Variants in CLK1 observed in about 807,000 individuals in gnomAD.
The protein encoded by CLK1 is CDC like kinase 1, also known as dual specificity protein kinase CLK1.
A neutral mutation model predicts 60.9 loss-of-function variants in CLK1; 40 were observed. That is an observed-to-expected ratio of 0.66 (90% CI 0.51 to 0.86). The LOEUF (loss-of-function observed/expected upper bound fraction) is 0.86, where lower values mean the gene tolerates loss of function less well. Ranked by LOEUF, CLK1 falls within the 40% of genes least tolerant of loss-of-function variation. The pLI is 0.00. For missense variants in CLK1, 563 were observed against 606.1 expected, an observed-to-expected ratio of 0.93 and a Z score of 0.75; for synonymous variants, 203 against 184.4, an observed-to-expected ratio of 1.10 and a Z score of -0.82.
chr2:200,854,273 C>A (rs1487628750), intron 11 of CLK1: 1 of 337,618 alleles, frequency 3.0e-6, no homozygotes. Flanking sequence ...CGGTGGCTCA[C>A]GCCTGTAATC....
chr2:200,858,682 C>A (rs557332472), intron 5 of CLK1, among the ~76,000 whole-genome samples: 8 of 150,156 alleles, frequency 5.3e-5, no homozygotes, highest in South Asian at 2.1e-4. Context: ...GGGCGACAGA[C>A]CAAGACTCCA....
chr2:200,855,729 C>T (rs1432243320), intron 9 of CLK1, among the ~76,000 whole-genome samples: 4 of 151,828 alleles, frequency 2.6e-5, no homozygotes, highest in African/African-American at 9.7e-5. Context: ...ATATATATGG[C>T]CGGGCGCAGT....
rs759967584 is a variant in CLK1, at chr2:200,858,048, T to G, written c.590A>C (p.Asp197Ala). The G allele has an allele frequency of 1.2e-6, 2 of 1,614,004 alleles. No homozygotes were observed. Among genetic ancestry groups the G allele is most frequent in the Non-Finnish European group, 8.5e-7 (1 of 1,179,896 alleles). ...TGAGCGAGCAGCTTCACAGTATCTA[T>G]CCACATTTTTAACTATTTTTACTGC... ...HVAVKIVKNVDRYCEAARSEI... is the reference protein window; with the variant it reads ...HVAVKIVKNVARYCEAARSEI... The change falls in exon 6 of 13, where the codon GAT becomes GCT. Residue 197 changes from aspartate to alanine, a missense_variant. By Grantham distance (126) the Asp-to-Ala change is moderately radical. This residue lies in a region of CLK1 where 360 missense variants were observed against 407.0 expected (regional missense o/e 0.88). Transcript: ENST00000321356.
chr2:200,861,923 C>T lies in CLK1; in HGVS notation c.1-61G>A, dbSNP rs1464413566. 6 of 1,489,082 alleles carry T rather than the reference C, an allele frequency of 4.0e-6. No individual in the cohort carries two copies. In the South Asian group the frequency reaches 5.9e-5, roughly 15 times the overall value. 92.2% of individuals were successfully genotyped at this position (1,489,082 alleles called of 1,614,324 possible). A position where few individuals can be genotyped will look rare whatever the true frequency, so the allele number is the denominator to read the frequency against. ...ACCCCACACTGAGCTGTTTAAAATT[C>T]GTAATTACAAAGGTCCCCTCGTGAC... On this transcript the variant is annotated intron_variant, in intron 1 of 12. Coordinates refer to ENST00000321356, the MANE Select transcript of CLK1 (RefSeq NM_004071.4).
At chr2:200,861,938 C>G in intron 1 of CLK1, 76 bp from the exon 2 acceptor site, 2 of 1,264,016 alleles carry the variant, frequency 1.6e-6, no homozygotes, top group Non-Finnish European at 2.2e-6. Flanking sequence ...TTACAAAGGT[C>G]CCCTCGTGAC....
chr2:200,857,076 GC>G, intron 7 of CLK1, 91 bp from the exon 8 acceptor site: 3 of 950,630 alleles, frequency 3.2e-6, no homozygotes, highest in Non-Finnish European at 3.3e-6. Context: ...AGTGGCTCAC[GC>G]CTGTAATCAC....
chr2:200,853,338 G>A lies in CLK1; in HGVS notation c.1423C>T (p.Pro475Ser). 1 of 1,611,984 alleles carries A rather than the reference G, an allele frequency of 6.2e-7. No individual in the cohort carries two copies. Among genetic ancestry groups the A allele is most frequent in the Non-Finnish European group, 8.5e-7 (1 of 1,179,112 alleles). The change falls in exon 13 of 13, where the codon CCT becomes TCT. Residue 475 changes from proline to serine, a missense_variant. By Grantham distance (74) the Pro-to-Ser change is moderately conservative (BLOSUM62 -1). Coordinates refer to ENST00000321356, the MANE Select transcript of CLK1 (RefSeq NM_004071.4). ...RITLREALKH[P>S]FFDLLKKSI ...CTTTTCTTCAGAAGGTCAAAGAAAG[G>A]ATGCTTTAAGGCTTCTCTGAGAGTA...
In CLK1 at chr2:200,853,309, T is replaced by C. The variant is rs990481682; in HGVS notation, c.1452A>G (p.Ile484Met). ...HPFFDLLKKS[I>M] is the part of the protein sequence containing the mutation. ...AGAGAGCTGTCCAATTACAGATCTA[T>C]ATACTTTTCTTCAGAAGGTCAAAGA... Residue 484 changes from isoleucine (I) to methionine (M), a missense_variant, in exon 13 of 13, where the codon ATA becomes ATG. By Grantham distance (10) the Ile-to-Met change is conservative. Around this residue, in one of 3 missense-constraint regions of CLK1, gnomAD observed 360 missense variants for 407.0 expected, o/e 0.88. Transcript: ENST00000321356. The C allele has an allele frequency of 1.2e-6, 2 of 1,609,308 alleles. No individual in the cohort carries two copies. Among genetic ancestry groups the C allele is most frequent in the Non-Finnish European group, 8.5e-7 (1 of 1,178,000 alleles).
Position 200,853,306 on chromosome 2 carries a change from C to T in CLK1, c.1455G>A (p.Ter485=). The T allele has an allele frequency of 6.2e-7, 1 of 1,606,778 alleles. No homozygotes were observed. The part of the protein sequence containing the change: ...PFFDLLKKSI[*] The stretch of plus-strand genomic sequence containing the variant: ...TCGAGAGAGCTGTCCAATTACAGAT[C>T]TATATACTTTTCTTCAGAAGGTCAA... The change falls in exon 13 of 13, where the codon TAG becomes TAA. Residue 485 remains the stop codon, a stop_retained_variant. Coordinates refer to ENST00000321356, the MANE Select transcript of CLK1 (RefSeq NM_004071.4).
chr2:200,858,416 C>CG (rs1371096979), intron 5 of CLK1, among the ~76,000 whole-genome samples: 3 of 152,072 alleles, frequency 2.0e-5, no homozygotes, highest in Non-Finnish European at 4.4e-5. Flanking sequence ...GCTCTAGGAC[C>CG]GGGAGCAGTG....
At chr2:200,858,992 T>C (rs1448713922) in intron 5 of CLK1, among the ~76,000 whole-genome samples, 1 of 152,096 alleles carries the variant, frequency 6.6e-6, no homozygotes, top group Non-Finnish European at 1.5e-5. Context: ...CTGGCCAACA[T>C]AGTCTCTACT....
At chr2:200,858,173 C>T (rs112813680) in intron 5 of CLK1, 84 bp from the exon 6 acceptor site, 19 of 871,278 alleles carry the variant, frequency 2.2e-5, no homozygotes, top group African/African-American at 6.6e-5. Context: ...TGTACTACTA[C>T]TCTGACCCAC....
intron 3 of CLK1, chr2:200,860,544 G>A: frequency 9.5e-7 from 1 of 1,047,384 alleles, no homozygotes; most frequent in Non-Finnish European, 1.1e-6. Context: ...TAATTTTTTA[G>A]TTTCTAGTGT....
chr2:200,864,390 C>T, intron 1 of CLK1, 174 bp downstream of exon 1: 1 of 988,760 alleles, frequency 1.0e-6, no homozygotes, highest in Non-Finnish European at 1.4e-6. Flanking sequence ...CAGGCTCGGC[C>T]GCGCAGGAAA....
intron 4 of CLK1, 163 bp downstream of exon 4, chr2:200,859,962 T>C (rs1202523895): frequency 2.8e-6 from 4 of 1,432,384 alleles, no homozygotes; most frequent in Non-Finnish European, 2.7e-6. Flanking sequence ...ACATTACATT[T>C]CTAAAGAAAG....
Position 200,861,784 on chromosome 2 carries a change from T to C in CLK1, c.79A>G (p.Ser27Gly). ...TGTGATCTCTTCCTTCTTTTATGAC[T>C]GCTGCTGCTCCTCCATTTTCCATAA... ...WDYGKWRSSS[S>G]HKRRKRSHSS... Residue 27 changes from serine (S) to glycine (G), a missense_variant, in exon 2 of 13, where the codon AGT becomes GGT. By Grantham distance (56) the Ser-to-Gly change is moderately conservative. Coordinates refer to ENST00000321356, the MANE Select transcript of CLK1 (RefSeq NM_004071.4). 1 of 1,613,768 alleles carries C rather than the reference T, an allele frequency of 6.2e-7. No individual in the cohort carries two copies.
At position 200,864,546 on chromosome 2, in the gene CLK1, C is replaced by T. The variant is rs1158229269; in HGVS notation, c.-1+18G>A. ...AGGAACGGCCCTGTCACCTAGTCCG[C>T]TCCCTCCTGCGTCTTACCGTCCTGG... On this transcript the variant is annotated intron_variant, in intron 1 of 12. Transcript: ENST00000321356. 5.8e-6 allele frequency: 2 copies of T among 345,058 alleles called. No individual in the cohort carries two copies. The highest frequency in any genetic ancestry group is 4.3e-5 in the African/African-American group (2 of 46,158). 21.4% of individuals were successfully genotyped at this position (345,058 alleles called of 1,614,324 possible). A position where few individuals can be genotyped will look rare whatever the true frequency, so the allele number is the denominator to read the frequency against.
chr2:200,856,752 T>C lies in CLK1; in HGVS notation c.987A>G (p.Ala329=). The change falls in exon 9 of 13, where the codon GCA becomes GCG. Residue 329 remains alanine (A), a synonymous_variant. Transcript: ENST00000321356. ...PDIKVVDFGS[A]TYDDEHHSTL... is the part of the protein sequence containing the mutation. ...TACTGTGATGTTCGTCATCATATGTTGCACTACCAAAGTCTACAACTTTAA... is the reference window on the plus strand; with the variant it reads ...TACTGTGATGTTCGTCATCATATGTCGCACTACCAAAGTCTACAACTTTAA... The C allele has an allele frequency of 1.2e-6, 2 of 1,613,662 alleles. No homozygotes were observed. The highest frequency in any genetic ancestry group is 1.7e-6 in the Non-Finnish European group (2 of 1,179,840).
chr2:200,860,783 A>C (rs1343358736), intron 3 of CLK1: 2 of 1,018,866 alleles, frequency 2.0e-6, no homozygotes, highest in South Asian at 3.9e-5. Flanking sequence ...TAACAGTTCA[A>C]ATCTGTTCTG....
Sources: allele counts gnomAD v4.1 joint callset (sites outside exome capture counted in the v4.1 genomes callset), GRCh38; gene constraint gnomAD v4.1.1; regional missense constraint gnomAD v4.1.1; transcripts MANE v1.5; gene names NCBI Gene and HGNC (gene_info 2026-07-23, HGNC 2026-07-21).